The following RIMS2 variants were observed in gnomAD, a reference collection of about 807,000 sequenced individuals.
The protein encoded by RIMS2 is regulating synaptic membrane exocytosis 2, also known as regulating synaptic membrane exocytosis protein 2.
In RIMS2, 59 loss-of-function variants were observed where a neutral mutation model predicts 174.4. The observed-to-expected ratio is 0.34, with a 90% confidence interval of 0.27 to 0.42. The LOEUF (loss-of-function observed/expected upper bound fraction) is 0.42, where lower values mean the gene tolerates loss of function less well. Among genes scored for constraint, RIMS2 ranks in the 10% least tolerant of loss-of-function variants. RIMS2 has a pLI of 1.00. For missense variants in RIMS2, 1,620 were observed against 1,666.3 expected (o/e 0.97, Z 0.48); for synonymous variants, 606 against 572.5 (o/e 1.06, Z -0.84).
chr8:104,051,561 A>T (rs1461616204), intron 19 of RIMS2, among the ~76,000 whole-genome samples: 1 of 152,114 alleles, frequency 6.6e-6, no homozygotes, highest in Non-Finnish European at 1.5e-5. Context: ...TACCAAAAAA[A>T]ATGGACAGAG....
chr8:103,501,250 C>T, intron 1 of RIMS2, 188 bp downstream of exon 1: 1 of 342,322 alleles, frequency 2.9e-6, no homozygotes, highest in Non-Finnish European at 5.5e-6. Flanking sequence ...GGGTGTGTGT[C>T]GGGGAGGGAG....
chr8:103,863,305 G>C (rs1293091425), intron 3 of RIMS2, among the ~76,000 whole-genome samples: 1 of 152,060 alleles, frequency 6.6e-6, no homozygotes, highest in African/African-American at 2.4e-5. Context: ...TTGCATCCCA[G>C]GAATAAAGCC....
chr8:103,607,204 C>G (rs1403058186), intron 1 of RIMS2, among the ~76,000 whole-genome samples: 1 of 152,048 alleles, frequency 6.6e-6, no homozygotes, highest in Non-Finnish European at 1.5e-5. Context: ...CTCGTGGTGA[C>G]AAAATCTCTC....
At chr8:103,876,918 A>ACACACC (rs1273181641) in intron 3 of RIMS2, among the ~76,000 whole-genome samples, 4 of 124,996 alleles carry the variant, frequency 3.2e-5, no homozygotes, top group Non-Finnish European at 6.8e-5. Context: ...ATACACACAC[A>ACACACC]CCCCCATATA....
At chr8:103,608,171 G>GT (rs1472449182) in intron 1 of RIMS2, among the ~76,000 whole-genome samples, 2 of 145,176 alleles carry the variant, frequency 1.4e-5, no homozygotes, top group Admixed American at 1.3e-4. Flanking sequence ...GTACAGATGG[G>GT]TTTTTGGTGT....
chr8:103,971,679 C>T (rs558071181), intron 15 of RIMS2, among the ~76,000 whole-genome samples: 45 of 152,028 alleles, frequency 3.0e-4, no homozygotes, highest in Middle Eastern at 3.4e-3. Flanking sequence ...TCAAGCAATG[C>T]GTCTGCCTCA....
chr8:104,178,918 T>C (rs1349914529), intron 19 of RIMS2, among the ~76,000 whole-genome samples: 1 of 152,152 alleles, frequency 6.6e-6, no homozygotes, highest in Non-Finnish European at 1.5e-5. Context: ...ATGCTCAGGA[T>C]GTGCCTCTCT....
exon 4 of RIMS2, chr8:103,886,175 A>G: frequency 6.2e-7 from 1 of 1,612,362 alleles, no homozygotes; most frequent in Non-Finnish European, 8.5e-7. Context: ...GCCTGAATAT[A>G]CAAGTTGTGA....
intron 3 of RIMS2, among the ~76,000 whole-genome samples, chr8:103,883,807 G>A (rs994405572): frequency 5.3e-5 from 8 of 151,758 alleles, no homozygotes; most frequent in African/African-American, 1.7e-4. Context: ...AAGTCTTAGT[G>A]GCTCCTGGGC....
At position 103,525,180 on chromosome 8, in the gene RIMS2, C is replaced by CT. The variant is rs201100363; in HGVS notation, c.176+24126dup. 6.5e-3 allele frequency among the ~76,000 whole-genome samples: 993 copies of CT among 152,042 alleles called. 9 individuals are homozygous for CT. Among genetic ancestry groups the CT allele is most frequent in the Middle Eastern group, 0.024 (7 of 294 alleles). On this transcript the variant is annotated intron_variant, in intron 1 of 23. Coordinates refer to ENST00000504942, the Ensembl canonical transcript of RIMS2. ...TTTTCTGAATAACATCAAGACTCTTCTTTTTTTTGTGGTCAAATGATTAAG... is the reference window on the plus strand; with the variant it reads ...TTTTCTGAATAACATCAAGACTCTTCTTTTTTTTTGTGGTCAAATGATTAAG...
intron 2 of RIMS2, among the ~76,000 whole-genome samples, chr8:103,705,838 T>C (rs2097218434): frequency 6.6e-6 from 1 of 151,938 alleles, no homozygotes; most frequent in Non-Finnish European, 1.5e-5. Context: ...TTGGATCTTT[T>C]TTTTTTTTTA....
intron 19 of RIMS2, among the ~76,000 whole-genome samples, chr8:104,079,409 G>T (rs978656910): frequency 6.6e-6 from 1 of 151,412 alleles, no homozygotes; most frequent in Non-Finnish European, 1.5e-5. Context: ...TTTCATCAAG[G>T]CTCCAGAGTT....
intron 19 of RIMS2, among the ~76,000 whole-genome samples, chr8:104,088,454 G>T (rs907304070): frequency 6.6e-6 from 1 of 151,804 alleles, no homozygotes; most frequent in African/African-American, 2.4e-5. Context: ...TTCTTTCCCC[G>T]CTCCTATCTT....
intron 3 of RIMS2, among the ~76,000 whole-genome samples, chr8:103,792,830 G>C (rs1401410039): frequency 6.6e-6 from 1 of 151,878 alleles, no homozygotes; most frequent in Admixed American, 6.6e-5. Flanking sequence ...TAGAAAATCC[G>C]AAAGAAATGG....
At chr8:104,247,526 T>C (rs901644978) in intron 20 of RIMS2, among the ~76,000 whole-genome samples, 3 of 152,210 alleles carry the variant, frequency 2.0e-5, no homozygotes, top group African/African-American at 7.2e-5. Flanking sequence ...TATTGAACTT[T>C]AGGGCTTCAA....
intron 10 of RIMS2, among the ~76,000 whole-genome samples, chr8:103,924,563 TA>T (rs2078358960): frequency 6.6e-6 from 1 of 151,658 alleles, no homozygotes; most frequent in Admixed American, 6.6e-5. Context: ...CATTCTTTTC[TA>T]CCTTTGGACA....
At chr8:103,608,516 C>G (rs1204664166) in intron 1 of RIMS2, among the ~76,000 whole-genome samples, 1 of 144,180 alleles carries the variant, frequency 6.9e-6, no homozygotes, top group Non-Finnish European at 1.5e-5. Context: ...GTGGTGGGCT[C>G]CACCCAGTTC....
chr8:103,851,650 C>T (rs1347154071), intron 3 of RIMS2, among the ~76,000 whole-genome samples: 2 of 35,090 alleles, frequency 5.7e-5, no homozygotes, highest in African/African-American at 3.3e-4. Context: ...TATGTACACA[C>T]ACACACACAC....
intron 3 of RIMS2, among the ~76,000 whole-genome samples, chr8:103,781,986 G>A (rs573078686): frequency 1.7e-4 from 26 of 151,918 alleles, no homozygotes; most frequent in East Asian, 9.7e-4. Flanking sequence ...GACCTCCGGT[G>A]ATCCGCCCAC....
Sources: allele counts gnomAD v4.1 joint callset (sites outside exome capture counted in the v4.1 genomes callset), GRCh38; gene constraint gnomAD v4.1.1; transcripts MANE v1.5; gene names NCBI Gene and HGNC (gene_info 2026-07-23, HGNC 2026-07-21).